The following TECPR1 variants were observed in gnomAD, a reference collection of about 807,000 sequenced individuals.
The protein encoded by TECPR1 is tectonin beta-propeller repeat containing 1, also known as tectonin beta-propeller repeat-containing protein 1.
TECPR1 carries 122 observed loss-of-function variants against 162.4 expected under a neutral mutation model. That is an observed-to-expected ratio of 0.75 (90% CI 0.65 to 0.87). The LOEUF (loss-of-function observed/expected upper bound fraction) is 0.87, where lower values mean the gene tolerates loss of function less well. TECPR1 is among the 40% of genes least tolerant of loss of function. The probability of loss-of-function intolerance (pLI) is 0.00; values close to 1 mark genes in which losing one functional copy is unlikely to be tolerated. For synonymous variants in TECPR1, 642 were observed against 670.6 expected (o/e 0.96, Z 0.66); for missense variants, 1,432 against 1,618.2 (o/e 0.88, Z 1.97).
At chr7:98,228,216 C>T (rs1011260879) in intron 16 of TECPR1, 100 bp from the exon 17 acceptor site, 7 of 932,956 alleles carry the variant, frequency 7.5e-6, no homozygotes, top group African/African-American at 3.3e-5. Flanking sequence ...ACGGGGAGGG[C>T]GGGCTGGAGC....
chr7:98,217,445 G>T lies in TECPR1; in HGVS notation c.3443C>A (p.Ser1148Tyr). The T allele has an allele frequency of 6.2e-7, 1 of 1,610,050 alleles. No individual in the cohort carries two copies. Among genetic ancestry groups the T allele is most frequent in the Non-Finnish European group, 8.5e-7 (1 of 1,178,462 alleles). The change falls in exon 26 of 26, where the codon TCC (serine) becomes TAC (tyrosine). Residue 1148 changes from serine to tyrosine, a missense_variant. Coordinates refer to ENST00000447648, the MANE Select transcript of TECPR1 (RefSeq NM_015395.3). ...TGGGGCACTCGGCTCCTGCTCCTGG[G>T]ACGAGCTCCGGGGGGCCCTGGTGGC... is the stretch of plus-strand genomic sequence containing the variant. ...ANATRAPRSS[S>Y]QEQEPSAPPE...
Position 98,217,496 on chromosome 7 carries a change from C to T in TECPR1, c.3392G>A (p.Trp1131Ter). The T allele has an allele frequency of 6.2e-7, 1 of 1,605,338 alleles. No homozygotes were observed. The highest frequency in any genetic ancestry group is 8.5e-7 in the Non-Finnish European group (1 of 1,176,632). The part of the protein sequence containing the change: ...HGWDYGIGGG[W>*]DHISVRANAT... ...ATTGGCCCGGACAGAGATATGGTCC[C>T]AGCCTCCCTGGAAGGAGAGAGCTGT... The change falls in exon 26 of 26, where the codon TGG becomes TAG. Residue 1131 changes from tryptophan to a stop codon, truncating the protein, a stop_gained. Coordinates refer to ENST00000447648, the MANE Select transcript of TECPR1 (RefSeq NM_015395.3). LOFTEE classifies it high-confidence loss of function.
At chr7:98,234,705 C>CTTTTTTTTTTTTTTTTTTTTTTT (rs34332931) in intron 10 of TECPR1, among the ~76,000 whole-genome samples, 1 of 73,508 alleles carries the variant, frequency 1.4e-5, no homozygotes, top group Non-Finnish European at 2.5e-5. Flanking sequence ...TTGTTATTGT[C>CTTTTTTTTTTTTTTTTTTTTTTT]TTTTTTTTTT....
Position 98,231,280 on chromosome 7 carries a change from G to T in TECPR1, c.2068C>A (p.Arg690=). 6.2e-7 allele frequency: 1 copy of T among 1,613,052 alleles called. No homozygotes were observed. The highest frequency in any genetic ancestry group is 8.5e-7 in the Non-Finnish European group (1 of 1,179,652). ...SFALYTPERT[R]QRWPVRLAAA... is the part of the protein sequence containing the mutation. Reference sequence around the variant, plus strand: ...GCCAGACGCACCGGCCACCTCTGCCGTGTCCGCTCAGGGGTGTACAGGGCA... The same window carrying T: ...GCCAGACGCACCGGCCACCTCTGCCTTGTCCGCTCAGGGGTGTACAGGGCA... The change falls in exon 14 of 26, where the codon CGG becomes AGG. Residue 690 remains arginine (R), a synonymous_variant. Coordinates refer to ENST00000447648, the MANE Select transcript of TECPR1 (RefSeq NM_015395.3).
intron 10 of TECPR1, among the ~76,000 whole-genome samples, chr7:98,235,849 A>AAAAAAAAAAAAAACAAC: frequency 9.1e-5 from 10 of 110,302 alleles, no homozygotes; most frequent in East Asian, 2.3e-4. Flanking sequence ...AAAAAAAAAA[A>AAAAAAAAAAAAAACAAC]AACACCATCT....
intron 23 of TECPR1, 47 bp downstream of exon 23, chr7:98,221,614 A>C (rs763396103): frequency 1.3e-6 from 2 of 1,565,348 alleles, no homozygotes; most frequent in Non-Finnish European, 1.8e-6. Flanking sequence ...GGTGTGAGCC[A>C]CCATGCCCAG....
At chr7:98,228,867 G>C in intron 16 of TECPR1, 172 bp downstream of exon 16, 1 of 958,648 alleles carries the variant, frequency 1.0e-6, no homozygotes, top group Non-Finnish European at 1.5e-6. Context: ...AGTGGGTACT[G>C]GCAGGGACCA....
At chr7:98,233,240 G>T in intron 11 of TECPR1, 181 bp downstream of exon 11, 1 of 922,496 alleles carries the variant, frequency 1.1e-6, no homozygotes, top group Non-Finnish European at 1.5e-6. Flanking sequence ...TGACAGCCTC[G>T]GGCTGGTCTC....
In TECPR1 at chr7:98,233,407, G is replaced by A. The variant is rs569286625; in HGVS notation, c.1672+14C>T. 23 of 1,433,204 alleles carry A rather than the reference G, an allele frequency of 1.6e-5. No individual in the cohort carries two copies. In the African/African-American group the frequency reaches 2.9e-4, roughly 18 times the overall value. 88.8% of individuals were successfully genotyped at this position (1,433,204 alleles called of 1,614,324 possible). ...GGCCATGTGGATGCCCCCAGGCCCT[G>A]CAGGAGCCCTTACCCGCCTGGACAG... On this transcript the variant is annotated intron_variant, in intron 11 of 25. Transcript: ENST00000447648.
chr7:98,231,668 CTCA>C (rs1485868716), intron 13 of TECPR1, 133 bp downstream of exon 13: 1 of 1,156,322 alleles, frequency 8.6e-7, no homozygotes, highest in African/African-American at 1.6e-5. Flanking sequence ...CCTGGGTACC[CTCA>C]TTTCTGTGTC....
chr7:98,239,970 C>T (rs371028085), intron 8 of TECPR1, among the ~76,000 whole-genome samples: 1 of 151,882 alleles, frequency 6.6e-6, no homozygotes, highest in Non-Finnish European at 1.5e-5. Flanking sequence ...ATTAGCCGGG[C>T]GTGGTGGCGG....
Position 98,232,397 on chromosome 7 carries a change from G to A in TECPR1, c.1818+430C>T, listed in dbSNP as rs563801717. ...CCCCCACACTTGACCTCTGAGGGCCGGGCTCTGCCACAGGATAGTGGGGCA... is the reference window on the plus strand; with the variant it reads ...CCCCCACACTTGACCTCTGAGGGCCAGGCTCTGCCACAGGATAGTGGGGCA... On this transcript the variant is annotated intron_variant, in intron 12 of 25. Transcript: ENST00000447648. This position sits in a 1 kb window ranked among gnomAD's most constrained non-coding sequence, Gnocchi z 4.6. Among the ~76,000 whole-genome samples, 255 of 152,166 alleles carry A rather than the reference G, an allele frequency of 1.7e-3. 2 individuals carry two copies. Among genetic ancestry groups the A allele is most frequent in the South Asian group, 0.011 (55 of 4,804 alleles).
At chr7:98,231,757 C>G (rs1798447411) in intron 13 of TECPR1, 47 bp downstream of exon 13, 1 of 1,591,270 alleles carries the variant, frequency 6.3e-7, no homozygotes, top group South Asian at 1.1e-5. Flanking sequence ...AGCACCCCAG[C>G]CCTGTGTCCC....
intron 19 of TECPR1, among the ~76,000 whole-genome samples, chr7:98,224,538 G>A (rs139883403): frequency 1.1e-4 from 17 of 152,302 alleles, no homozygotes; most frequent in African/African-American, 3.4e-4. Flanking sequence ...TGAACGTGGC[G>A]TGGGGGAGCC....
Position 98,216,043 on chromosome 7 carries a change from G to A in TECPR1, c.*1347C>T, listed in dbSNP as rs970870047. 1.4e-4 allele frequency: 22 copies of A among 152,306 alleles called. No homozygotes were observed. Among genetic ancestry groups the A allele is most frequent in the African/African-American group, 5.3e-4 (22 of 41,462 alleles). 9.4% of individuals were successfully genotyped at this position (152,306 alleles called of 1,614,324 possible). A position where few individuals can be genotyped will look rare whatever the true frequency, so the allele number is the denominator to read the frequency against. On this transcript the variant is annotated 3_prime_UTR_variant, in exon 26 of 26. Transcript: ENST00000447648. Reference sequence around the variant, plus strand: ...AAGTCATCCCCTCTCCAACCGAGCAGAGCCTGGGGTTGGGCTCTGATGACC... The same window carrying A: ...AAGTCATCCCCTCTCCAACCGAGCAAAGCCTGGGGTTGGGCTCTGATGACC...
chr7:98,242,043 G>C (rs1054018331), intron 6 of TECPR1, among the ~76,000 whole-genome samples: 1 of 152,214 alleles, frequency 6.6e-6, no homozygotes, highest in African/African-American at 2.4e-5. Flanking sequence ...ATGGCCCCCC[G>C]ATGGGGGCTC....
At chr7:98,230,775 C>A (rs1798411346) in intron 15 of TECPR1, among the ~76,000 whole-genome samples, 186 bp downstream of exon 15, 1 of 152,182 alleles carries the variant, frequency 6.6e-6, no homozygotes. Context: ...CTTCTGGTTC[C>A]CCCTCTTGGA....
At chr7:98,217,642 A>G (rs1476058007) in intron 25 of TECPR1, 50 bp downstream of exon 25, 1 of 1,519,026 alleles carries the variant, frequency 6.6e-7, no homozygotes, top group East Asian at 2.5e-5. Context: ...TTCAGCACCC[A>G]GTGCAGGCAC....
At position 98,241,751 on chromosome 7, in the gene TECPR1, G is replaced by A. The variant is rs192177134; in HGVS notation, c.658-507C>T. Among the ~76,000 whole-genome samples the A allele has an allele frequency of 9.9e-5, 15 of 152,274 alleles. No individual in the cohort carries two copies. The East Asian group carries it at 2.9e-3, about 29-fold the overall frequency. ...CACTTCGTGATCCAGAAAGGGCAAG[G>A]GACCCTCCCCATAGGGCTGTCTTCA... On this transcript the variant is annotated intron_variant, in intron 6 of 25. Transcript: ENST00000447648. This position sits in a 1 kb window ranked among gnomAD's most constrained non-coding sequence, Gnocchi z 5.0.
Sources: allele counts gnomAD v4.1 joint callset (sites outside exome capture counted in the v4.1 genomes callset), GRCh38; gene constraint gnomAD v4.1.1; non-coding constraint Gnocchi (gnomAD v3.1); transcripts MANE v1.5; gene names NCBI Gene and HGNC (gene_info 2026-07-23, HGNC 2026-07-21).